The following OSBPL3 variants were observed in gnomAD, a reference collection of about 807,000 sequenced individuals.
OSBPL3 encodes oxysterol binding protein like 3, also known as oxysterol-binding protein-related protein 3.
In OSBPL3, 65 loss-of-function variants were observed where a neutral mutation model predicts 120.1. The observed-to-expected ratio is 0.54, with a 90% CI of 0.44 to 0.67. The LOEUF is 0.67. OSBPL3 is among the 30% of genes least tolerant of loss of function. The pLI is 0.00. For missense variants in OSBPL3, 1,004 were observed against 1,082.1 expected, an observed-to-expected ratio of 0.93 and a Z score of 1.01; for synonymous variants, 416 against 402.6, an observed-to-expected ratio of 1.03 and a Z score of -0.40.
In OSBPL3 at chr7:24,804,751, C is replaced by T. The variant is rs1272584040; in HGVS notation, c.2445-314G>A. ...AAACCCACTTTATTAGTTTCCTCTG[C>T]ATCCTTCTAGAGATTCTTCATGTGT... On this transcript the variant is annotated intron_variant, in intron 21 of 22. Transcript: ENST00000313367. This position sits in a 1 kb window ranked among gnomAD's most constrained non-coding sequence, Gnocchi z 5.4. Among the ~76,000 whole-genome samples the T allele has an allele frequency of 6.6e-6, 1 of 152,202 alleles. No individual in the cohort carries two copies. Among genetic ancestry groups the T allele is most frequent in the Admixed American group, 6.5e-5 (1 of 15,272 alleles).
intron 1 of OSBPL3, among the ~76,000 whole-genome samples, chr7:24,908,483 C>T (rs1475650251): frequency 6.6e-6 from 1 of 152,162 alleles, no homozygotes; most frequent in Non-Finnish European, 1.5e-5. Flanking sequence ...ATCTTTCTTC[C>T]CTACCATGCC....
At chr7:24,957,923 T>C (rs1815265869) in intron 1 of OSBPL3, among the ~76,000 whole-genome samples, 2 of 152,182 alleles carry the variant, frequency 1.3e-5, no homozygotes, top group Non-Finnish European at 2.9e-5. Context: ...TTTTTCCATT[T>C]AACAATAAAT....
At chr7:24,901,058 G>A (rs931838657) in intron 1 of OSBPL3, among the ~76,000 whole-genome samples, 2 of 151,184 alleles carry the variant, frequency 1.3e-5, no homozygotes, top group Admixed American at 6.6e-5. Context: ...GGCCAGGTGT[G>A]GTGGCTCACA....
Position 24,830,791 on chromosome 7 carries a change from C to T in OSBPL3, c.1861G>A (p.Gly621Ser), listed in dbSNP as rs752641287. Residue 621 changes from glycine to serine, a missense_variant, in exon 16 of 23, where the codon GGC (glycine) becomes AGC (serine). Gly to Ser is a moderately conservative substitution (Grantham distance 56). Around this residue, in one of 4 missense-constraint regions of OSBPL3, gnomAD observed 473 missense variants for 568.0 expected, o/e 0.83. Coordinates refer to ENST00000313367, the MANE Select transcript of OSBPL3 (RefSeq NM_015550.4). The surrounding 1 kb of genome is among the most constrained non-coding windows in gnomAD (Gnocchi z 4.4). The stretch of plus-strand genomic sequence containing the variant: ...ACCTGTTCTGAAAAAAACTGGAAGC[C>T]CTTGTCCTCCCGAATACATTCATAT... Reference protein sequence around the residue: ...ETYECIREDKGFQFFSEQVSH... With the variant: ...ETYECIREDKSFQFFSEQVSH... 1.9e-6 allele frequency: 3 copies of T among 1,612,962 alleles called. No homozygotes were observed. Among genetic ancestry groups the T allele is most frequent in the African/African-American group, 1.3e-5 (1 of 74,926 alleles).
At chr7:24,868,426 A>G (rs1311165506) in intron 5 of OSBPL3, among the ~76,000 whole-genome samples, 2 of 151,664 alleles carry the variant, frequency 1.3e-5, no homozygotes, top group African/African-American at 4.8e-5. Flanking sequence ...GATAAATGAT[A>G]GATACCCACA....
At position 24,843,861 on chromosome 7, in the gene OSBPL3, T is replaced by C. The variant is rs183564594; in HGVS notation, c.1267-1448A>G. ...TTGAGCTTGAAAACATCGTAAGGAATAGCTTCAACACTCACTCAAACAAGA... is the reference window on the plus strand; with the variant it reads ...TTGAGCTTGAAAACATCGTAAGGAACAGCTTCAACACTCACTCAAACAAGA... On this transcript the variant is annotated intron_variant, in intron 12 of 22. Transcript: ENST00000313367. Among the ~76,000 whole-genome samples, 178 of 152,336 alleles carry C rather than the reference T, an allele frequency of 1.2e-3. 2 individuals carry two copies. Among genetic ancestry groups the C allele is most frequent in the Admixed American group, 4.7e-3 (72 of 15,310 alleles).
In OSBPL3 at chr7:24,800,092, G is replaced by A. The variant is rs1287970802; in HGVS notation, c.*91C>T. Reference sequence around the variant, plus strand: ...GCTAAGCACAAGTGATCATCCTAGAGTATCTTTTAAATATATAAACACAGG... The same window carrying A: ...GCTAAGCACAAGTGATCATCCTAGAATATCTTTTAAATATATAAACACAGG... On this transcript the variant is annotated 3_prime_UTR_variant, in exon 23 of 23. Coordinates refer to ENST00000313367, the MANE Select transcript of OSBPL3 (RefSeq NM_015550.4). 5.7e-6 allele frequency: 4 copies of A among 707,308 alleles called. No individual in the cohort carries two copies. The East Asian group carries it at 1.1e-4, about 19-fold the overall frequency. 43.8% of individuals were successfully genotyped at this position (707,308 alleles called of 1,614,324 possible).
At position 24,852,844 on chromosome 7, in the gene OSBPL3, T is replaced by C. The variant is rs1353222546; in HGVS notation, c.1028-210A>G. 2.0e-5 allele frequency among the ~76,000 whole-genome samples: 3 copies of C among 152,190 alleles called. No homozygotes were observed. The highest frequency in any genetic ancestry group is 7.2e-5 in the African/African-American group (3 of 41,464). On this transcript the variant is annotated intron_variant, in intron 10 of 22. Transcript: ENST00000313367. This position sits in a 1 kb window ranked among gnomAD's most constrained non-coding sequence, Gnocchi z 4.1. ...AAACTAAGGCCTCTGGATGATGATG[T>C]GTCCACGTAGGTTCATTGACTGTAA...
At chr7:24,838,880 CTTCTTCAAACCCACTGGTTCTTA>C (rs577788236) in intron 14 of OSBPL3, among the ~76,000 whole-genome samples, 2,061 of 152,336 alleles carry the variant, frequency 0.014, 27 homozygotes, top group Admixed American at 0.025. Flanking sequence ...TTTTGGCCTT[CTTCTTCAAACCCACTGGTTCTTA>C]GACCTTTCCA....
chr7:24,809,084 A>T (rs1405743609), intron 20 of OSBPL3, among the ~76,000 whole-genome samples: 3 of 151,978 alleles, frequency 2.0e-5, no homozygotes, highest in Non-Finnish European at 2.9e-5. Flanking sequence ...CCCCCCACTC[A>T]CTTACTGTTG....
In OSBPL3 at chr7:24,831,939, C is replaced by T. The variant is rs182873161; in HGVS notation, c.1747-1034G>A. ...ATACTCGGCTGGGTGCAGTGGCTCA[C>T]GCCTGTAATCCCAGCACTTTGGGAG... On this transcript the variant is annotated intron_variant, in intron 15 of 22. Coordinates refer to ENST00000313367, the MANE Select transcript of OSBPL3 (RefSeq NM_015550.4). The surrounding 1 kb of genome is among the most constrained non-coding windows in gnomAD (Gnocchi z 4.0). 3.4e-4 allele frequency among the ~76,000 whole-genome samples: 52 copies of T among 152,272 alleles called. 2 individuals carry two copies. In the South Asian group the frequency reaches 5.2e-3, roughly 15 times the overall value.
rs946015764 is a variant in OSBPL3 at position 24,899,728 on chromosome 7, C to T, written c.-149-7107G>A. On this transcript the variant is annotated intron_variant, in intron 1 of 22. Transcript: ENST00000313367. This position sits in a 1 kb window ranked among gnomAD's most constrained non-coding sequence, Gnocchi z 4.0. ...TAGCATTTCTGCATACAAATGCATA[C>T]AACCCACTATAAATGCCCATAACTA... Among the ~76,000 whole-genome samples, 3 of 152,212 alleles carry T rather than the reference C, an allele frequency of 2.0e-5. No homozygotes were observed. The highest frequency in any genetic ancestry group is 7.2e-5 in the African/African-American group (3 of 41,458).
rs1386640396 is a variant in OSBPL3, at chr7:24,805,951, G to C, written c.2444+825C>G. ...TTTATTTATTTTGCCATAAAGAAGG[G>C]CTTAAGTTTGTTTGTTTTGTGGGGG... On this transcript the variant is annotated intron_variant, in intron 21 of 22. Transcript: ENST00000313367. The surrounding 1 kb of genome is among the most constrained non-coding windows in gnomAD (Gnocchi z 4.0). Among the ~76,000 whole-genome samples the C allele has an allele frequency of 6.6e-6, 1 of 152,104 alleles. No homozygotes were observed. The highest frequency in any genetic ancestry group is 2.4e-5 in the African/African-American group (1 of 41,414).
chr7:24,863,311 AAG>A lies in OSBPL3; in HGVS notation c.778-21_778-20del, dbSNP rs747540062. ...ATCCACCCTTTGTTTCAAAACAGGA[AAG>A]AGAGCACAGACAGTAAAGTCCACCA... On this transcript the variant is annotated intron_variant, in intron 8 of 22. Transcript: ENST00000313367. This position sits in a 1 kb window ranked among gnomAD's most constrained non-coding sequence, Gnocchi z 5.8. 5 of 1,599,756 alleles carry A rather than the reference AAG, an allele frequency of 3.1e-6. No individual in the cohort carries two copies. Among genetic ancestry groups the A allele is most frequent in the Middle Eastern group, 3.3e-4 (2 of 6,052 alleles).
At position 24,867,701 on chromosome 7, in the gene OSBPL3, AGTCTCGGGTAT is replaced by A. The variant is rs1053227417; in HGVS notation, c.382-1475_382-1465del. 5.3e-5 allele frequency among the ~76,000 whole-genome samples: 8 copies of A among 152,246 alleles called. No homozygotes were observed. Among genetic ancestry groups the A allele is most frequent in the African/African-American group, 1.9e-4 (8 of 41,548 alleles). ...AACCTCTTTCTTTTGTAAATTGCCC[AGTCTCGGGTAT>A]GTCTTTATCAGCAGTGTGAAAACGA... is the stretch of plus-strand genomic sequence containing the variant. On this transcript the variant is annotated intron_variant, in intron 5 of 22. Coordinates refer to ENST00000313367, the MANE Select transcript of OSBPL3 (RefSeq NM_015550.4). The surrounding 1 kb of genome is among the most constrained non-coding windows in gnomAD (Gnocchi z 4.5).
intron 10 of OSBPL3, among the ~76,000 whole-genome samples, chr7:24,859,469 C>G (rs1247438679): frequency 1.3e-5 from 2 of 152,170 alleles, no homozygotes; most frequent in Non-Finnish European, 2.9e-5. Flanking sequence ...GAAATAGGAT[C>G]ATACCTATAT....
intron 1 of OSBPL3, among the ~76,000 whole-genome samples, chr7:24,928,081 A>C (rs1811285886): frequency 1.3e-5 from 2 of 152,056 alleles, no homozygotes; most frequent in African/African-American, 4.8e-5. Context: ...AGGCCATGAA[A>C]GATGTGTCTG....
intron 1 of OSBPL3, among the ~76,000 whole-genome samples, chr7:24,977,863 GAAAAGAA>G (rs1396772936): frequency 1.3e-5 from 2 of 152,076 alleles, no homozygotes; most frequent in African/African-American, 4.8e-5. Context: ...CTCAAAAAAA[GAAAAGAA>G]AAAAGAAAAT....
At chr7:24,904,635 C>T (rs930612022) in intron 1 of OSBPL3, among the ~76,000 whole-genome samples, 3 of 152,120 alleles carry the variant, frequency 2.0e-5, no homozygotes, top group Admixed American at 6.5e-5. Context: ...GTACCCCATA[C>T]AGCTGTACAT....
Sources: allele counts gnomAD v4.1 joint callset (sites outside exome capture counted in the v4.1 genomes callset), GRCh38; gene constraint gnomAD v4.1.1; regional missense constraint gnomAD v4.1.1; non-coding constraint Gnocchi (gnomAD v3.1); transcripts MANE v1.5; gene names NCBI Gene and HGNC (gene_info 2026-07-23, HGNC 2026-07-21).